MYO9A: variants seen among roughly 807,000 people sequenced by gnomAD.
MYO9A encodes the protein myosin IXA.
MYO9A carries 103 observed loss-of-function variants against 293.3 expected under a neutral mutation model. The ratio of observed to expected loss-of-function variants is 0.35; its 90% CI spans 0.30 to 0.41. The LOEUF (loss-of-function observed/expected upper bound fraction) is 0.41. Among genes scored for constraint, MYO9A ranks in the 10% least tolerant of loss-of-function variants. MYO9A has a pLI of 1.00. For missense variants in MYO9A, 2,685 were observed against 3,033.0 expected, an observed-to-expected ratio of 0.89 and a Z score of 2.69; for synonymous variants, 1,001 against 1,035.7, an observed-to-expected ratio of 0.97 and a Z score of 0.64.
chr15:72,037,563 C>T (rs1055228716), intron 2 of MYO9A, among the ~76,000 whole-genome samples: 3 of 152,060 alleles, frequency 2.0e-5, no homozygotes, highest in Non-Finnish European at 2.9e-5. Context: ...GACTGGAGGC[C>T]TTAACTTCAG....
chr15:72,047,661 C>CA (rs2078426119), intron 1 of MYO9A, among the ~76,000 whole-genome samples: 2 of 151,398 alleles, frequency 1.3e-5, no homozygotes, highest in Admixed American at 1.3e-4. Context: ...TATATGCCCC[C>CA]AAAAAACTAC....
intron 32 of MYO9A, among the ~76,000 whole-genome samples, chr15:71,871,494 A>C (rs1460722347): frequency 6.6e-6 from 1 of 152,112 alleles, no homozygotes; most frequent in Admixed American, 6.6e-5. Context: ...CAGGAGTTTG[A>C]GACCAGCCTG....
At chr15:72,052,755 G>A (rs552130053) in intron 1 of MYO9A, among the ~76,000 whole-genome samples, 3 of 152,302 alleles carry the variant, frequency 2.0e-5, no homozygotes, top group Admixed American at 6.5e-5. Flanking sequence ...GCCAGCACCC[G>A]GAGCTGCCTG....
chr15:71,949,724 T>G (rs2146488698), intron 15 of MYO9A, among the ~76,000 whole-genome samples: 1 of 151,582 alleles, frequency 6.6e-6, no homozygotes, highest in African/African-American at 2.4e-5. Flanking sequence ...TCGCCAGGGA[T>G]ATGGGCAGAG....
chr15:71,871,884 A>G (rs1245895215), intron 32 of MYO9A, among the ~76,000 whole-genome samples: 3 of 151,760 alleles, frequency 2.0e-5, no homozygotes, highest in African/African-American at 7.2e-5. Context: ...GGAGGAATGT[A>G]TGTGTAATAC....
At chr15:72,001,092 T>C (rs1206978596) in intron 8 of MYO9A, among the ~76,000 whole-genome samples, 1 of 152,204 alleles carries the variant, frequency 6.6e-6, no homozygotes, top group African/African-American at 2.4e-5. Flanking sequence ...CTGAGAGTTC[T>C]TATTTCTTCC....
chr15:72,085,544 C>T (rs562772679), intron 1 of MYO9A, among the ~76,000 whole-genome samples: 1 of 152,234 alleles, frequency 6.6e-6, no homozygotes, highest in Non-Finnish European at 1.5e-5. Flanking sequence ...TGATTCTTAG[C>T]TTCCTTGGAT....
intron 32 of MYO9A, among the ~76,000 whole-genome samples, chr15:71,868,644 T>C (rs1270752357): frequency 6.6e-6 from 1 of 152,172 alleles, no homozygotes; most frequent in African/African-American, 2.4e-5. Context: ...CTTCTGAATA[T>C]ATTGTTCAAT....
Position 71,904,050 on chromosome 15 carries a change from T to G in MYO9A, c.2767-11A>C. On this transcript the variant is annotated splice_polypyrimidine_tract_variant and intron_variant, in intron 20 of 41. Transcript: ENST00000356056. ...GAACCTTAAGGGCAGCTAAAGCAAA[T>G]GGAAAAAAGATTAACCCAGAACAGT... 6.3e-7 allele frequency: 1 copy of G among 1,599,740 alleles called. No individual in the cohort carries two copies. The highest frequency in any genetic ancestry group is 8.6e-7 in the Non-Finnish European group (1 of 1,168,858).
Position 71,911,190 on chromosome 15 carries a change from G to A in MYO9A, c.2685+5180C>T, listed in dbSNP as rs368350824. 1.9e-4 allele frequency among the ~76,000 whole-genome samples: 29 copies of A among 152,240 alleles called. No homozygotes were observed. The South Asian group carries it at 6.0e-3, about 32-fold the overall frequency. On this transcript the variant is annotated intron_variant, in intron 19 of 41. Coordinates refer to ENST00000356056, the MANE Select transcript of MYO9A (RefSeq NM_006901.4). ...GATGGCTTTTCCTGTGATTATAAAA[G>A]TAATATGTAGCTATTCTAGAACACT...
Position 71,823,115 on chromosome 15 carries a change from G to T in MYO9A, c.*3465C>A, listed in dbSNP as rs914641650. The T allele has an allele frequency of 6.6e-6, 1 of 152,022 alleles. No homozygotes were observed. Among genetic ancestry groups the T allele is most frequent in the Admixed American group, 6.6e-5 (1 of 15,264 alleles). The allele number at this position is 152,022 out of a possible 1,614,324, so 9.4% of individuals were successfully genotyped here. A position where few individuals can be genotyped will look rare whatever the true frequency, so the allele number is the denominator to read the frequency against. ...CCACCAAGAAGAAAAAAGAGAGGAG[G>T]ATGAGGAAAGCCATGGAGTGAGTAT... On this transcript the variant is annotated 3_prime_UTR_variant, in exon 42 of 42. Transcript: ENST00000356056.
chr15:71,880,260 A>C, intron 29 of MYO9A, 75 bp downstream of exon 29: 1 of 1,223,894 alleles, frequency 8.2e-7, no homozygotes, highest in Non-Finnish European at 1.2e-6. Context: ...TGATATCTAG[A>C]GAGTATATCC....
Position 72,101,871 on chromosome 15 carries a change from G to T in MYO9A, c.-72+15809C>A, listed in dbSNP as rs1474914209. Among the ~76,000 whole-genome samples the T allele has an allele frequency of 1.6e-3, 238 of 151,446 alleles. 1 individual carries two copies. Among genetic ancestry groups the T allele is most frequent in the African/African-American group, 5.6e-3 (231 of 41,306 alleles). Reference sequence around the variant, plus strand: ...GCCCCGTCCGGGAGGGAGGTGGGGGGGTCAGCCCCCGACCGGCCAGCGGCC... The same window carrying T: ...GCCCCGTCCGGGAGGGAGGTGGGGGTGTCAGCCCCCGACCGGCCAGCGGCC... On this transcript the variant is annotated intron_variant, in intron 1 of 41. Transcript: ENST00000356056.
chr15:71,912,468 C>A (rs561963241), intron 19 of MYO9A, among the ~76,000 whole-genome samples: 8 of 152,140 alleles, frequency 5.3e-5, no homozygotes, highest in Non-Finnish European at 1.0e-4. Flanking sequence ...GTTGGCCAGG[C>A]TGGTCTCGAA....
rs557859412 is a variant in MYO9A, at chr15:72,018,124, A to C, written c.1155+915T>G. On this transcript the variant is annotated intron_variant, in intron 6 of 41. Transcript: ENST00000356056. ...TTTTTAAAAAATTAAAGCAAAATGT[A>C]CCTATTCACTTTATATTACATCATA... Among the ~76,000 whole-genome samples the C allele has an allele frequency of 2.9e-3, 437 of 152,146 alleles. 1 individual carries two copies. Among genetic ancestry groups the C allele is most frequent in the African/African-American group, 9.8e-3 (408 of 41,536 alleles).
intron 2 of MYO9A, among the ~76,000 whole-genome samples, chr15:72,039,148 T>G (rs2078151311): frequency 6.6e-6 from 1 of 152,120 alleles, no homozygotes; most frequent in African/African-American, 2.4e-5. Context: ...GAGAATTAAA[T>G]TCACAAATCT....
At chr15:71,862,067 G>A (rs1328440771) in intron 33 of MYO9A, among the ~76,000 whole-genome samples, 2 of 152,190 alleles carry the variant, frequency 1.3e-5, no homozygotes, top group African/African-American at 4.8e-5. Flanking sequence ...GGGAAGCAGA[G>A]GTTGCAGTGA....
rs150918805 is a variant in MYO9A at position 72,103,318 on chromosome 15, AAGC to A, written c.-72+14359_-72+14361del. 3.5e-5 allele frequency among the ~76,000 whole-genome samples: 5 copies of A among 143,788 alleles called. No individual in the cohort carries two copies. In the South Asian group the frequency reaches 7.0e-4, roughly 20 times the overall value. 94.3% of individuals were successfully genotyped at this position (143,788 alleles called of 152,430 possible). ...CAGCAGCAGAAGCAGAAGCAGCAGCAAGCAGCAGCAGCAGAAGCAGAAGCAGCA... is the reference window on the plus strand; with the variant it reads ...CAGCAGCAGAAGCAGAAGCAGCAGCAAGCAGCAGCAGAAGCAGAAGCAGCA... On this transcript the variant is annotated intron_variant, in intron 1 of 41. Transcript: ENST00000356056.
Position 71,854,474 on chromosome 15 carries a change from T to C in MYO9A, c.6249A>G (p.Ile2083Met), listed in dbSNP as rs921251928. The C allele has an allele frequency of 1.3e-5, 21 of 1,613,724 alleles. No individual in the cohort carries two copies. The highest frequency in any genetic ancestry group is 1.7e-5 in the Non-Finnish European group (20 of 1,179,834). The part of the protein sequence containing the change: ...RTVPLVVEKL[I>M]NYIEMHGLYT... ...ACAGTCCATGCATTTCAATGTAGTTTATGAGCTTTTCCACTACTAAAGGAA... is the reference window on the plus strand; with the variant it reads ...ACAGTCCATGCATTTCAATGTAGTTCATGAGCTTTTCCACTACTAAAGGAA... Residue 2083 changes from isoleucine to methionine, a missense_variant, in exon 35 of 42, where the codon ATA (isoleucine) becomes ATG (methionine). Physicochemically the swap from Ile to Met is conservative, Grantham distance 10. This residue lies in a region of MYO9A where 238 missense variants were observed against 269.1 expected (regional missense o/e 0.88). Coordinates refer to ENST00000356056, the MANE Select transcript of MYO9A (RefSeq NM_006901.4).
Sources: gnomAD v4.1 joint callset for allele counts (sites outside exome capture counted in the v4.1 genomes callset) on GRCh38, gnomAD v4.1.1 for gene constraint, gnomAD v4.1.1 regional missense constraint, MANE v1.5 for transcripts, NCBI Gene and HGNC (gene_info 2026-07-23, HGNC 2026-07-21) for gene names.